Variants in TRPM3 observed in about 807,000 individuals in gnomAD.
TRPM3 encodes long transient receptor potential channel 3.
A neutral mutation model predicts 181.2 loss-of-function variants in TRPM3; 77 were observed. That is an observed-to-expected ratio of 0.42 (90% CI 0.35 to 0.51). TRPM3 has a LOEUF of 0.51. Ranked by LOEUF, TRPM3 falls within the 20% of genes least tolerant of loss-of-function variation. The pLI, the probability that TRPM3 is intolerant of heterozygous loss-of-function variation, is 0.01. For missense variants in TRPM3, 1,759 were observed against 2,196.7 expected, an observed-to-expected ratio of 0.80 and a Z score of 3.98; for synonymous variants, 745 against 796.4, an observed-to-expected ratio of 0.94 and a Z score of 1.09.
At chr9:70,543,800 T>C (rs889438060) in intron 25 of TRPM3, among the ~76,000 whole-genome samples, 8 of 152,198 alleles carry the variant, frequency 5.3e-5, no homozygotes, top group Non-Finnish European at 1.0e-4. Flanking sequence ...CTCAAACTTC[T>C]GACAAGTGAA....
chr9:70,823,403 C>A (rs1431107294), intron 6 of TRPM3, among the ~76,000 whole-genome samples: 1 of 152,098 alleles, frequency 6.6e-6, no homozygotes, highest in African/African-American at 2.4e-5. Context: ...ACCAAGCTTT[C>A]CCCCGCTCCT....
chr9:71,073,775 T>TA (rs201351073), intron 1 of TRPM3, among the ~76,000 whole-genome samples: 18 of 151,970 alleles, frequency 1.2e-4, no homozygotes, highest in South Asian at 2.1e-4. Context: ...ATTATTTAAT[T>TA]AAAAAAAACA....
chr9:70,676,084 G>T (rs955096314), intron 9 of TRPM3, among the ~76,000 whole-genome samples: 3 of 152,148 alleles, frequency 2.0e-5, no homozygotes, highest in African/African-American at 7.2e-5. Context: ...TGACATTTAT[G>T]AGGAGAAACA....
At chr9:71,055,132 A>G (rs1250531851) in intron 1 of TRPM3, among the ~76,000 whole-genome samples, 6 of 152,064 alleles carry the variant, frequency 3.9e-5, no homozygotes, top group Non-Finnish European at 5.9e-5. Flanking sequence ...ACCATTTGGG[A>G]GGCAGCTTAG....
At chr9:71,038,757 A>G (rs605683) in intron 1 of TRPM3, among the ~76,000 whole-genome samples, 138,315 of 152,194 alleles carry the variant, frequency 0.91, 62,949 homozygotes, top group East Asian at 1. Flanking sequence ...GGTCAGGGAA[A>G]GCTTTCTGCA....
In TRPM3 at chr9:71,209,398, A is replaced by C. The variant is rs78291736; in HGVS notation, c.183+237255T>G. On this transcript the variant is annotated intron_variant, in intron 1 of 24. Transcript: ENST00000357533. ...AGAAGAGGGGGTAGGGAGAGGGGGA[A>C]GGAGGGAGGGAGAGAGAGAGACTGA... Among the ~76,000 whole-genome samples the C allele has an allele frequency of 1.4e-3, 9 of 6,254 alleles. No individual in the cohort carries two copies. The South Asian group carries it at 0.027, about 19-fold the overall frequency. The allele number at this position is 6,254 out of a possible 152,430, so 4.1% of individuals were successfully genotyped here. A position where few individuals can be genotyped will look rare whatever the true frequency, so the allele number is the denominator to read the frequency against.
chr9:70,862,416 G>A (rs1053622780), intron 3 of TRPM3, among the ~76,000 whole-genome samples: 5 of 152,070 alleles, frequency 3.3e-5, no homozygotes, highest in African/African-American at 7.2e-5. Context: ...ACTTAATTTC[G>A]ATGGCAATAT....
At position 70,610,642 on chromosome 9, in the gene TRPM3, G is replaced by A. The variant is rs772499234; in HGVS notation, c.2634C>T (p.Tyr878=). Reference sequence around the variant, plus strand: ...ACCAGAACTTCACGATGGGTGCATTGTAGAATTCATAGATTTTTCTGCCGA... The same window carrying A: ...ACCAGAACTTCACGATGGGTGCATTATAGAATTCATAGATTTTTCTGCCGA... ...IPLGRKIYEF[Y]NAPIVKFWFY... The change falls in exon 19 of 26, where the codon TAC becomes TAT. Residue 878 remains tyrosine, a synonymous_variant. Coordinates refer to ENST00000677713, the MANE Select transcript of TRPM3 (RefSeq NM_001366145.2). 1.2e-6 allele frequency: 2 copies of A among 1,614,104 alleles called. No homozygotes were observed. Among genetic ancestry groups the A allele is most frequent in the Non-Finnish European group, 1.7e-6 (2 of 1,179,982 alleles).
intron 6 of TRPM3, among the ~76,000 whole-genome samples, chr9:70,823,017 C>T (rs1006360593): frequency 6.6e-6 from 1 of 152,166 alleles, no homozygotes; most frequent in African/African-American, 2.4e-5. Context: ...GCATCTCTGG[C>T]ATCCTGACCA....
intron 1 of TRPM3, among the ~76,000 whole-genome samples, chr9:70,977,676 A>C (rs1281375814): frequency 6.6e-6 from 1 of 152,180 alleles, no homozygotes; most frequent in African/African-American, 2.4e-5. Context: ...CCAGCTGTAA[A>C]GTTGGGAACT....
intron 1 of TRPM3, among the ~76,000 whole-genome samples, chr9:71,397,693 T>G (rs1323541932): frequency 6.6e-6 from 1 of 152,212 alleles, no homozygotes; most frequent in Non-Finnish European, 1.5e-5. Context: ...GATTATGCAA[T>G]TTGAAATGCA....
chr9:71,346,679 T>A (rs1249874420), intron 1 of TRPM3, among the ~76,000 whole-genome samples: 1 of 152,144 alleles, frequency 6.6e-6, no homozygotes, highest in Admixed American at 6.5e-5. Flanking sequence ...GATAAAGTAA[T>A]GAGAGAAAAT....
At chr9:71,150,896 T>C (rs1040631377) in intron 1 of TRPM3, among the ~76,000 whole-genome samples, 4 of 152,154 alleles carry the variant, frequency 2.6e-5, no homozygotes, top group Non-Finnish European at 5.9e-5. Flanking sequence ...AAAAGATCAA[T>C]GGAACAGCAT....
intron 1 of TRPM3, among the ~76,000 whole-genome samples, chr9:71,269,614 A>G (rs530909675): frequency 1.3e-5 from 2 of 152,370 alleles, no homozygotes; most frequent in South Asian, 4.1e-4. Context: ...TAAATGAGTT[A>G]AAACCTGCAT....
intron 1 of TRPM3, among the ~76,000 whole-genome samples, chr9:70,925,643 T>G (rs2096713752): frequency 6.6e-6 from 1 of 152,020 alleles, no homozygotes; most frequent in South Asian, 2.1e-4. Flanking sequence ...TCCCACCAAT[T>G]AAGTTTCTAA....
intron 1 of TRPM3, among the ~76,000 whole-genome samples, chr9:70,900,081 A>G (rs2096361671): frequency 6.6e-6 from 1 of 152,244 alleles, no homozygotes. Flanking sequence ...TGGAAAAGAA[A>G]AATCAAGTTC....
At chr9:70,749,319 A>T (rs1420671334) in intron 8 of TRPM3, among the ~76,000 whole-genome samples, 1 of 152,206 alleles carries the variant, frequency 6.6e-6, no homozygotes, top group Non-Finnish European at 1.5e-5. Context: ...GTAGGGAAGT[A>T]GGAAGTCCAT....
intron 1 of TRPM3, among the ~76,000 whole-genome samples, chr9:71,373,282 G>A (rs2092576063): frequency 6.7e-6 from 1 of 149,178 alleles, no homozygotes; most frequent in Non-Finnish European, 1.5e-5. Flanking sequence ...CAGAGCTGAA[G>A]TGAAGGAAAT....
intron 8 of TRPM3, among the ~76,000 whole-genome samples, chr9:70,695,505 C>A (rs150912368): frequency 6.6e-6 from 1 of 152,290 alleles, no homozygotes; most frequent in Non-Finnish European, 1.5e-5. Flanking sequence ...TGTCTTGTCC[C>A]TGAAGCTCTG....
Sources: gnomAD v4.1 joint callset for allele counts (sites outside exome capture counted in the v4.1 genomes callset) on GRCh38, gnomAD v4.1.1 for gene constraint, MANE v1.5 for transcripts, NCBI Gene and HGNC (gene_info 2026-07-23, HGNC 2026-07-21) for gene names.